The following RAB3C variants were observed in gnomAD, a reference collection of about 807,000 sequenced individuals.
RAB3C encodes the protein ras-related protein Rab-3C.
Under a neutral mutation model 26.4 loss-of-function variants are expected in RAB3C, and 17 were observed. That is an observed-to-expected ratio of 0.64 (90% CI 0.44 to 0.97). RAB3C has a LOEUF of 0.97. RAB3C is among the 50% of genes least tolerant of loss of function. RAB3C has a pLI of 0.00. For synonymous variants in RAB3C, 91 were observed against 95.9 expected (o/e 0.95, Z 0.30); for missense variants, 242 against 281.9 (o/e 0.86, Z 1.01).
intron 4 of RAB3C, among the ~76,000 whole-genome samples, chr5:58,844,813 A>G (rs1217976822): frequency 1.3e-5 from 2 of 152,236 alleles, no homozygotes; most frequent in African/African-American, 4.8e-5. Flanking sequence ...CAGAAAAAAA[A>G]ATATCACTTG....
rs536320057 is a variant in RAB3C, at chr5:58,805,115, A to G, written c.372-19923A>G. ...ACTCATTCATTCATTCATTTATTCA[A>G]TTATAAACTAAATACTTATTAGGCA... On this transcript the variant is annotated intron_variant, in intron 3 of 4. Coordinates refer to ENST00000282878, the MANE Select transcript of RAB3C (RefSeq NM_138453.4). 9.2e-5 allele frequency among the ~76,000 whole-genome samples: 14 copies of G among 152,274 alleles called. No individual in the cohort carries two copies. The South Asian group carries it at 2.1e-3, about 23-fold the overall frequency.
chr5:58,645,065 G>A (rs578221338), intron 2 of RAB3C, among the ~76,000 whole-genome samples: 58 of 152,350 alleles, frequency 3.8e-4, no homozygotes, highest in Non-Finnish European at 1.5e-4. Flanking sequence ...TTCCCAGAGA[G>A]TGTTTGAGGT....
intron 3 of RAB3C, among the ~76,000 whole-genome samples, chr5:58,747,320 A>G (rs116784133): frequency 6.6e-6 from 1 of 152,322 alleles, no homozygotes; most frequent in African/African-American, 2.4e-5. Context: ...CCCATGCTAT[A>G]TGTGGGACAT....
chr5:58,589,950 A>C (rs1230387447), intron 1 of RAB3C, among the ~76,000 whole-genome samples: 1 of 152,146 alleles, frequency 6.6e-6, no homozygotes, highest in Non-Finnish European at 1.5e-5. Flanking sequence ...TCCTACAACC[A>C]CCAGCAACTG....
At chr5:58,822,976 C>A (rs1055407718) in intron 3 of RAB3C, 16 of 625,074 alleles carry the variant, frequency 2.6e-5, no homozygotes, top group Non-Finnish European at 4.2e-5. Context: ...CCATCACTGG[C>A]AATAAAGTTT....
At chr5:58,760,987 T>C (rs892492337) in intron 3 of RAB3C, among the ~76,000 whole-genome samples, 8 of 152,062 alleles carry the variant, frequency 5.3e-5, no homozygotes, top group Non-Finnish European at 1.0e-4. Context: ...TTGTGCATTT[T>C]AAATGCAGTT....
intron 2 of RAB3C, among the ~76,000 whole-genome samples, chr5:58,705,412 C>A (rs750919911): frequency 6.6e-6 from 1 of 152,042 alleles, no homozygotes; most frequent in African/African-American, 2.4e-5. Flanking sequence ...TATTAAGTGA[C>A]ATTATTGAAA....
At chr5:58,592,601 TG>T (rs1223835630) in intron 1 of RAB3C, among the ~76,000 whole-genome samples, 1 of 152,200 alleles carries the variant, frequency 6.6e-6, no homozygotes, top group African/African-American at 2.4e-5. Context: ...ATAGATCTGC[TG>T]GCAATTCATT....
intron 3 of RAB3C, among the ~76,000 whole-genome samples, chr5:58,812,069 A>G (rs1022950535): frequency 3.9e-5 from 6 of 152,226 alleles, no homozygotes; most frequent in Non-Finnish European, 1.5e-5. Flanking sequence ...TAAGGGAGTC[A>G]TAAAGAAAAT....
intron 3 of RAB3C, among the ~76,000 whole-genome samples, chr5:58,728,686 A>C (rs1399710910): frequency 1.3e-5 from 2 of 152,000 alleles, no homozygotes; most frequent in African/African-American, 4.8e-5. Flanking sequence ...GATCTACTAA[A>C]TCAAATCTCC....
intron 3 of RAB3C, chr5:58,823,574 T>A (rs2112056391): frequency 5.2e-6 from 1 of 193,676 alleles, no homozygotes; most frequent in African/African-American, 2.3e-5. Context: ...TACAAGAGAA[T>A]CCAAACTATG....
intron 2 of RAB3C, chr5:58,689,331 G>A (rs1748513390): frequency 6.6e-6 from 1 of 152,072 alleles, no homozygotes; most frequent in African/African-American, 2.4e-5. Context: ...AAAACTAAAG[G>A]TAATTTTCAC....
At chr5:58,764,521 C>T (rs1741858579) in intron 3 of RAB3C, among the ~76,000 whole-genome samples, 1 of 152,170 alleles carries the variant, frequency 6.6e-6, no homozygotes, top group African/African-American at 2.4e-5. Flanking sequence ...GTCCACAAGC[C>T]ATTTTCAATT....
intron 2 of RAB3C, among the ~76,000 whole-genome samples, chr5:58,645,960 T>A (rs1747508011): frequency 6.6e-6 from 1 of 152,192 alleles, no homozygotes; most frequent in Non-Finnish European, 1.5e-5. Flanking sequence ...TCGTTCACAT[T>A]CAGTGTTGCC....
intron 2 of RAB3C, among the ~76,000 whole-genome samples, chr5:58,651,907 A>T (rs987873951): frequency 7.2e-5 from 11 of 152,160 alleles, no homozygotes; most frequent in African/African-American, 2.7e-4. Context: ...GATTACTTAT[A>T]ATACCTAATA....
intron 1 of RAB3C, among the ~76,000 whole-genome samples, chr5:58,587,178 GC>G (rs1399472596): frequency 3.9e-5 from 6 of 152,110 alleles, no homozygotes; most frequent in Admixed American, 2.0e-4. Context: ...GTATAAGAAT[GC>G]TTTTCCATTG....
In RAB3C at chr5:58,641,527, A is replaced by T. The variant is rs292991; in HGVS notation, c.252+23657A>T. Among the ~76,000 whole-genome samples, 732 of 152,258 alleles carry T rather than the reference A, an allele frequency of 4.8e-3. 1 individual carries two copies. The highest frequency in any genetic ancestry group is 8.1e-3 in the Non-Finnish European group (549 of 68,016). On this transcript the variant is annotated intron_variant, in intron 2 of 4. Coordinates refer to ENST00000282878, the MANE Select transcript of RAB3C (RefSeq NM_138453.4). ...ATGGGACATTTCTTCTCCATTTCTG[A>T]TTTTTTCTTTCCAACTGGCACCCAT... is the stretch of plus-strand genomic sequence containing the variant.
intron 3 of RAB3C, among the ~76,000 whole-genome samples, chr5:58,805,603 A>AAAAAG (rs10691454): frequency 0.39 from 51,771 of 131,200 alleles, 11,353 homozygotes; most frequent in Middle Eastern, 0.55. Context: ...AAAAAAAAAA[A>AAAAAG]AGAGAGAGAG....
chr5:58,823,659 G>A lies in RAB3C; in HGVS notation c.372-1379G>A, dbSNP rs115141776. On this transcript the variant is annotated intron_variant, in intron 3 of 4. Coordinates refer to ENST00000282878, the MANE Select transcript of RAB3C (RefSeq NM_138453.4). ...GTCCCATGCCCAGAAGAAAGATCAG[G>A]TAGCTCAAAAGAAGGGAAGCTTCCT... is the stretch of plus-strand genomic sequence containing the variant. 4.6e-3 allele frequency: 959 copies of A among 209,808 alleles called. 13 individuals are homozygous for A. Among genetic ancestry groups the A allele is most frequent in the African/African-American group, 0.018 (775 of 43,378 alleles). The allele number at this position is 209,808 out of a possible 1,614,324, so 13.0% of individuals were successfully genotyped here.
Sources: allele counts gnomAD v4.1 joint callset (sites outside exome capture counted in the v4.1 genomes callset), GRCh38; gene constraint gnomAD v4.1.1; transcripts MANE v1.5; gene names NCBI Gene and HGNC (gene_info 2026-07-23, HGNC 2026-07-21).